RIN2: variants seen among roughly 807,000 people sequenced by gnomAD.
RIN2 encodes the protein RAB5 interacting protein 2.
RIN2 carries 36 observed loss-of-function variants against 78.0 expected under a neutral mutation model. The ratio of observed to expected loss-of-function variants is 0.46; its 90% CI spans 0.35 to 0.61. RIN2 has a LOEUF of 0.61. Among genes scored for constraint, RIN2 ranks in the 20% least tolerant of loss-of-function variants. RIN2 has a pLI of 0.00. For synonymous variants in RIN2, 466 were observed against 466.8 expected, an observed-to-expected ratio of 1.00 and a Z score of 0.02; for missense variants, 1,087 against 1,159.7, an observed-to-expected ratio of 0.94 and a Z score of 0.91.
rs1485533088 is a variant in RIN2, at chr20:19,942,834, A to G, written c.158+7635A>G. On this transcript the variant is annotated intron_variant, in intron 4 of 12. Transcript: ENST00000255006. ...CACAATGTCACCAGCAGCATACTCC[A>G]GAGTTGGAGCTATTTTGACCTTGGC... 3.9e-5 allele frequency among the ~76,000 whole-genome samples: 6 copies of G among 152,288 alleles called. No individual in the cohort carries two copies. The East Asian group carries it at 1.2e-3, about 29-fold the overall frequency.
At chr20:19,925,043 C>G (rs2040170658) in intron 3 of RIN2, among the ~76,000 whole-genome samples, 1 of 151,462 alleles carries the variant, frequency 6.6e-6, no homozygotes, top group Non-Finnish European at 1.5e-5. Context: ...CCGGCCTCCC[C>G]CACCTCTTTG....
intron 1 of RIN2, among the ~76,000 whole-genome samples, chr20:19,766,886 T>C (rs1441559000): frequency 6.9e-6 from 1 of 145,220 alleles, no homozygotes; most frequent in Non-Finnish European, 1.5e-5. Context: ...CACTCCAGCC[T>C]GGGCAATAGC....
intron 2 of RIN2, among the ~76,000 whole-genome samples, chr20:19,854,591 T>C (rs576395214): frequency 6.4e-4 from 97 of 152,332 alleles, no homozygotes; most frequent in African/African-American, 2.3e-3. Flanking sequence ...GAAGAGGTCC[T>C]TCACATCCCT....
intron 5 of RIN2, among the ~76,000 whole-genome samples, chr20:19,959,520 C>T (rs1318915738): frequency 2.0e-5 from 3 of 152,158 alleles, no homozygotes; most frequent in Non-Finnish European, 4.4e-5. Flanking sequence ...AGAGAACTCA[C>T]GGTCTTCCAG....
chr20:19,868,584 C>A (rs1029003931), intron 2 of RIN2, among the ~76,000 whole-genome samples: 2 of 152,074 alleles, frequency 1.3e-5, no homozygotes, highest in African/African-American at 2.4e-5. Flanking sequence ...CTGGGCAGAC[C>A]GTGAACATTC....
intron 2 of RIN2, among the ~76,000 whole-genome samples, chr20:19,881,115 TTCAG>T (rs1390084111): frequency 6.6e-6 from 1 of 152,228 alleles, no homozygotes; most frequent in Non-Finnish European, 1.5e-5. Context: ...AAGCCACCTC[TTCAG>T]AGACCTTGTG....
chr20:19,812,457 G>C (rs1371741537), intron 2 of RIN2, among the ~76,000 whole-genome samples: 2 of 152,150 alleles, frequency 1.3e-5, no homozygotes, highest in East Asian at 3.8e-4. Context: ...TTTCCCTACA[G>C]ACTAATGATG....
chr20:19,968,641 A>G (rs570107161), intron 7 of RIN2, among the ~76,000 whole-genome samples: 2 of 152,326 alleles, frequency 1.3e-5, no homozygotes, highest in African/African-American at 4.8e-5. Flanking sequence ...AGAAAACCCC[A>G]AACCAGTCAT....
chr20:19,962,851 G>A (rs2041809739), intron 6 of RIN2, among the ~76,000 whole-genome samples: 1 of 152,226 alleles, frequency 6.6e-6, no homozygotes, highest in Non-Finnish European at 1.5e-5. Flanking sequence ...CATCTGCTCA[G>A]GAGGTTGAGG....
chr20:19,857,274 A>G (rs1374496263), intron 2 of RIN2, among the ~76,000 whole-genome samples: 1 of 152,160 alleles, frequency 6.6e-6, no homozygotes, highest in Non-Finnish European at 1.5e-5. Context: ...TAATGTTTTG[A>G]GCAAATGCAT....
chr20:19,991,572 C>T (rs777000104), intron 10 of RIN2, among the ~76,000 whole-genome samples: 1 of 152,196 alleles, frequency 6.6e-6, no homozygotes, highest in Non-Finnish European at 1.5e-5. Flanking sequence ...AAATTATCTC[C>T]AGTTGAGAAC....
At chr20:19,889,440 G>A (rs2038341579) in intron 2 of RIN2, 126 bp from the exon 3 acceptor site, 1 of 1,142,830 alleles carries the variant, frequency 8.8e-7, no homozygotes. Context: ...GCCTTGGTGG[G>A]AAATAAATGG....
At position 20,000,718 on chromosome 20, in the gene RIN2, G is replaced by C. The variant is rs986555562; in HGVS notation, c.2470G>C (p.Glu824Gln). The C allele has an allele frequency of 8.7e-6, 14 of 1,613,884 alleles. No individual in the cohort carries two copies. The highest frequency in any genetic ancestry group is 8.5e-6 in the Non-Finnish European group (10 of 1,179,906). ...TTEDVCQICA[E>Q]KFKVGDPEEY... ...TGAGGATGTGTGTCAGATCTGCGCT[G>C]AGAAGTTCAAGGTGGGGGACCCTGA... Residue 824 changes from glutamate to glutamine, a missense_variant, in exon 13 of 13, where the codon GAG (glutamate) becomes CAG (glutamine). Glu to Gln is a conservative substitution (Grantham distance 29). Around this residue, in one of 8 missense-constraint regions of RIN2, gnomAD observed 160 missense variants for 179.4 expected, o/e 0.89. Coordinates refer to ENST00000255006, the MANE Select transcript of RIN2 (RefSeq NM_018993.4).
chr20:19,902,229 A>G (rs935341505), intron 3 of RIN2, among the ~76,000 whole-genome samples: 11 of 152,144 alleles, frequency 7.2e-5, no homozygotes, highest in Admixed American at 1.3e-4. Flanking sequence ...GGAATTTCAT[A>G]GAGACAGGAC....
At chr20:19,817,874 A>G (rs2035810629) in intron 2 of RIN2, among the ~76,000 whole-genome samples, 1 of 152,238 alleles carries the variant, frequency 6.6e-6, no homozygotes, top group South Asian at 2.1e-4. Flanking sequence ...CATTAAATAT[A>G]CTCATCATCA....
chr20:19,759,311 G>A (rs2033531141), intron 1 of RIN2, among the ~76,000 whole-genome samples: 1 of 152,046 alleles, frequency 6.6e-6, no homozygotes, highest in Non-Finnish European at 1.5e-5. Context: ...GGCACATTGG[G>A]GTTTCTTAGG....
intron 3 of RIN2, among the ~76,000 whole-genome samples, chr20:19,910,869 C>T (rs995101968): frequency 2.6e-5 from 4 of 151,886 alleles, no homozygotes; most frequent in Non-Finnish European, 2.9e-5. Flanking sequence ...CGCACCCAGC[C>T]AGGAAGTGAG....
intron 2 of RIN2, among the ~76,000 whole-genome samples, chr20:19,853,847 A>G (rs1411681464): frequency 2.6e-5 from 4 of 151,940 alleles, no homozygotes; most frequent in South Asian, 4.2e-4. Flanking sequence ...CACTCTGATG[A>G]TAGTTTCTTT....
chr20:19,942,485 C>A (rs1398271248), intron 4 of RIN2, among the ~76,000 whole-genome samples: 3 of 152,010 alleles, frequency 2.0e-5, no homozygotes, highest in Admixed American at 2.0e-4. Context: ...AAAAGTAAAA[C>A]GTGTACATGG....
Sources: allele counts gnomAD v4.1 joint callset (sites outside exome capture counted in the v4.1 genomes callset), GRCh38; gene constraint gnomAD v4.1.1; regional missense constraint gnomAD v4.1.1; transcripts MANE v1.5; gene names NCBI Gene and HGNC (gene_info 2026-07-23, HGNC 2026-07-21).